The following PIGX variants were observed in gnomAD, a reference collection of about 807,000 sequenced individuals.
PIGX encodes the protein GPI alpha-1,4-mannosyltransferase I, stabilizing subunit.
PIGX carries 24 observed loss-of-function variants against 28.7 expected under a neutral mutation model. That is an observed-to-expected ratio of 0.84 (90% CI 0.60 to 1.17). The LOEUF (loss-of-function observed/expected upper bound fraction) is 1.17. PIGX is among the 50% of genes most tolerant of loss of function. The probability of loss-of-function intolerance (pLI) is 0.00; values close to 1 mark genes in which losing one functional copy is unlikely to be tolerated. For missense variants in PIGX, 305 were observed against 317.8 expected (o/e 0.96, Z 0.31); for synonymous variants, 127 against 121.0 (o/e 1.05, Z -0.33).
At chr3:196,721,972 G>T (rs567623710) in intron 2 of PIGX, among the ~76,000 whole-genome samples, 1 of 152,062 alleles carries the variant, frequency 6.6e-6, no homozygotes, top group Non-Finnish European at 1.5e-5. Flanking sequence ...GGCTGGTCTC[G>T]AATTCCTGAG....
At chr3:196,727,174 C>G (rs1712554356) in intron 3 of PIGX, among the ~76,000 whole-genome samples, 1 of 152,046 alleles carries the variant, frequency 6.6e-6, no homozygotes, top group South Asian at 2.1e-4. Flanking sequence ...TACATATACA[C>G]ATAGGTCGCG....
At chr3:196,726,865 A>T (rs1237580748) in intron 3 of PIGX, 1 of 251,132 alleles carries the variant, frequency 4.0e-6, no homozygotes, top group Non-Finnish European at 8.2e-6. Flanking sequence ...CCTTCCAGTC[A>T]CTGAAGGTAT....
chr3:196,727,178 G>C (rs1712554768), intron 3 of PIGX, among the ~76,000 whole-genome samples: 1 of 152,102 alleles, frequency 6.6e-6, no homozygotes, highest in Admixed American at 6.6e-5. Flanking sequence ...TATACACATA[G>C]GTCGCGTATA....
Position 196,728,272 on chromosome 3 carries a change from TATA to T in PIGX, c.532+142_532+144del, listed in dbSNP as rs367758311. 4.2e-4 allele frequency: 267 copies of T among 637,726 alleles called. No homozygotes were observed. The East Asian group carries it at 6.4e-3, about 15-fold the overall frequency. The allele number at this position is 637,726 out of a possible 1,614,324, so 39.5% of individuals were successfully genotyped here. On this transcript the variant is annotated intron_variant, in intron 4 of 5. Transcript: ENST00000392391. Reference sequence around the variant, plus strand: ...TAGTTACAAGGGTATTTATTTGCCTTATAATAATTCACTAAACTATGTATTTGA... The same window carrying T: ...TAGTTACAAGGGTATTTATTTGCCTTATAATTCACTAAACTATGTATTTGA...
At chr3:196,732,731 T>G (rs1457540851) in intron 5 of PIGX, among the ~76,000 whole-genome samples, 1 of 152,208 alleles carries the variant, frequency 6.6e-6, no homozygotes. Context: ...GTTACTTGTA[T>G]TTTTTGGGGT....
At position 196,724,291 on chromosome 3, in the gene PIGX, A is replaced by G. The variant is rs565159585; in HGVS notation, c.318+1735A>G. 2.0e-5 allele frequency among the ~76,000 whole-genome samples: 3 copies of G among 152,316 alleles called. No homozygotes were observed. In the South Asian group the frequency reaches 6.2e-4, roughly 32 times the overall value. ...TGGCCTCCCAAAGTGCTGGGATTAC[A>G]GGCATGAGCCACCGGCCAGAAGGAT... On this transcript the variant is annotated intron_variant, in intron 3 of 5. Coordinates refer to ENST00000392391, the MANE Select transcript of PIGX (RefSeq NM_017861.4).
Position 196,728,333 on chromosome 3 carries a change from T to C in PIGX, c.532+197T>C. The stretch of plus-strand genomic sequence containing the variant: ...TTTATGTGTGTGCTTTAATTTACAA[T>C]AAAAAAGTTAAAAAGAAACATGCAT... On this transcript the variant is annotated intron_variant, in intron 4 of 5. Coordinates refer to ENST00000392391, the MANE Select transcript of PIGX (RefSeq NM_017861.4). The C allele has an allele frequency of 6.8e-6, 4 of 590,058 alleles. No homozygotes were observed. In the South Asian group the frequency reaches 8.7e-5, roughly 13 times the overall value. The allele number at this position is 590,058 out of a possible 1,614,324, so 36.6% of individuals were successfully genotyped here.
At chr3:196,718,322 A>C (rs71323743) in intron 2 of PIGX, among the ~76,000 whole-genome samples, 14 of 152,064 alleles carry the variant, frequency 9.2e-5, no homozygotes, top group African/African-American at 3.4e-4. Flanking sequence ...TGAAGAAAAA[A>C]AAAAGGGGGG....
intron 3 of PIGX, among the ~76,000 whole-genome samples, chr3:196,723,336 G>A (rs2108682185): frequency 6.6e-6 from 1 of 152,262 alleles, no homozygotes; most frequent in South Asian, 2.1e-4. Context: ...ATGAGACTTT[G>A]TCTCAAAGAA....
In PIGX at chr3:196,722,445, A is replaced by G. The variant is rs755841272; in HGVS notation, c.207A>G (p.Glu69=). 1.1e-5 allele frequency: 18 copies of G among 1,612,166 alleles called. No individual in the cohort carries two copies. In the East Asian group the frequency reaches 3.6e-4, roughly 32 times the overall value. The change falls in exon 3 of 6, where the codon GAA becomes GAG. Residue 69 remains glutamate, a synonymous_variant. Transcript: ENST00000392391. ...TTTTAATCAAAGTGAAGTTTGGGGA[A>G]AGCATTGAGGACTTGCACACCTGCC...
At chr3:196,726,355 C>T (rs145814360) in intron 3 of PIGX, among the ~76,000 whole-genome samples, 2 of 151,678 alleles carry the variant, frequency 1.3e-5, no homozygotes, top group Non-Finnish European at 2.9e-5. Flanking sequence ...TATCCCAGCT[C>T]TTTGGGAGGA....
chr3:196,728,301 G>A, intron 4 of PIGX, 165 bp downstream of exon 4: 1 of 605,062 alleles, frequency 1.7e-6, no homozygotes, highest in Non-Finnish European at 3.0e-6. Flanking sequence ...ATGTATTTGA[G>A]TAGATTTTTA....
intron 5 of PIGX, 39 bp downstream of exon 5, chr3:196,731,131 C>A (rs1428672362): frequency 8.8e-7 from 1 of 1,141,720 alleles, no homozygotes. Context: ...GATCATGTGC[C>A]TCATTTAAAG....
chr3:196,713,805 C>T (rs1577666468), intron 1 of PIGX, among the ~76,000 whole-genome samples: 1 of 148,658 alleles, frequency 6.7e-6, no homozygotes, highest in South Asian at 2.2e-4. Flanking sequence ...CCATTGCACT[C>T]CAGCCTGGGT....
intron 3 of PIGX, among the ~76,000 whole-genome samples, chr3:196,725,614 G>A (rs1399464407): frequency 1.3e-5 from 2 of 152,120 alleles, no homozygotes; most frequent in Non-Finnish European, 2.9e-5. Flanking sequence ...ATAACAGAAG[G>A]TTCCTTTCAA....
At chr3:196,728,863 T>C (rs1712629277) in intron 4 of PIGX, 4 of 710,026 alleles carry the variant, frequency 5.6e-6, no homozygotes, top group Non-Finnish European at 1.0e-5. Flanking sequence ...GCTTTTTGTT[T>C]CTTGTTATCA....
At chr3:196,720,937 G>T (rs1712298935) in intron 2 of PIGX, among the ~76,000 whole-genome samples, 1 of 151,842 alleles carries the variant, frequency 6.6e-6, no homozygotes, top group Non-Finnish European at 1.5e-5. Context: ...TAAATAAGTT[G>T]CTCCATTATC....
At position 196,733,864 on chromosome 3, in the gene PIGX, C is replaced by A; in HGVS notation, c.739C>A (p.Leu247Ile). ...TACAATCCTGTGCTCTACATTGATC[C>A]TTGTAGCAGTTTTCAAATATGGCCA... The change falls in exon 6 of 6, where the codon CTT becomes ATT. Residue 247 changes from leucine to isoleucine, a missense_variant. By Grantham distance (5) the Leu-to-Ile change is conservative (BLOSUM62 2). Transcript: ENST00000392391. This position sits in a 1 kb window ranked among gnomAD's most constrained non-coding sequence, Gnocchi z 4.3. 1 of 1,604,956 alleles carries A rather than the reference C, an allele frequency of 6.2e-7. No individual in the cohort carries two copies. Among genetic ancestry groups the A allele is most frequent in the South Asian group, 1.1e-5 (1 of 90,870 alleles).
chr3:196,714,932 C>T (rs188991138), intron 1 of PIGX, among the ~76,000 whole-genome samples: 6 of 152,100 alleles, frequency 3.9e-5, no homozygotes, highest in Admixed American at 6.5e-5. Context: ...AAGAATTAGC[C>T]GGGCGTAGTG....
Sources: gnomAD v4.1 joint callset for allele counts (sites outside exome capture counted in the v4.1 genomes callset) on GRCh38, gnomAD v4.1.1 for gene constraint, Gnocchi (gnomAD v3.1) non-coding constraint, MANE v1.5 for transcripts, NCBI Gene and HGNC (gene_info 2026-07-23, HGNC 2026-07-21) for gene names.